CDCA7: variants seen among roughly 807,000 people sequenced by gnomAD.
CDCA7 encodes the protein cell division cycle associated 7.
A neutral mutation model predicts 54.0 loss-of-function variants in CDCA7; 28 were observed. That is an observed-to-expected ratio of 0.52 (90% CI 0.38 to 0.71). The LOEUF (loss-of-function observed/expected upper bound fraction) is 0.71, where lower values mean the gene tolerates loss of function less well. Ranked by LOEUF, CDCA7 falls within the 30% of genes least tolerant of loss-of-function variation. CDCA7 has a pLI of 0.00. For synonymous variants in CDCA7, 180 were observed against 208.2 expected, an observed-to-expected ratio of 0.86 and a Z score of 1.16; for missense variants, 484 against 586.0, an observed-to-expected ratio of 0.83 and a Z score of 1.80.
Position 173,366,246 on chromosome 2 carries a change from G to GTT in CDCA7, c.1036-30_1036-29dup. Reference sequence around the variant, plus strand: ...CCATTTCCTCTGTTGAAAAACAGTGGTTTTTTTTGTTTTTTTTCTTAATGG... The same window carrying GTT: ...CCATTTCCTCTGTTGAAAAACAGTGGTTTTTTTTTTGTTTTTTTTCTTAATGG... On this transcript the variant is annotated intron_variant, in intron 7 of 9. Coordinates refer to ENST00000306721, the MANE Select transcript of CDCA7 (RefSeq NM_031942.5). The surrounding 1 kb of genome is among the most constrained non-coding windows in gnomAD (Gnocchi z 4.5). 6.8e-7 allele frequency: 1 copy of GTT among 1,471,800 alleles called. No homozygotes were observed. The allele number at this position is 1,471,800 out of a possible 1,614,324, so 91.2% of individuals were successfully genotyped here. A position where few individuals can be genotyped will look rare whatever the true frequency, so the allele number is the denominator to read the frequency against.
intron 3 of CDCA7, among the ~76,000 whole-genome samples, chr2:173,360,683 C>G (rs1686603318): frequency 6.6e-6 from 1 of 152,086 alleles, no homozygotes; most frequent in Admixed American, 6.5e-5. Flanking sequence ...CACTTTGTTG[C>G]TCAGGCTGGT....
Position 173,366,178 on chromosome 2 carries a change from A to C in CDCA7, c.1036-105A>C. 7.5e-7 allele frequency: 1 copy of C among 1,335,024 alleles called. No individual in the cohort carries two copies. The highest frequency in any genetic ancestry group is 1.4e-5 in the South Asian group (1 of 69,482). The allele number at this position is 1,335,024 out of a possible 1,614,324, so 82.7% of individuals were successfully genotyped here. ...ATGTGTATGTAGAGATTCATAGACA[A>C]AATGTAAGCCTATACTACGAAGAGG... On this transcript the variant is annotated intron_variant, in intron 7 of 9. Coordinates refer to ENST00000306721, the MANE Select transcript of CDCA7 (RefSeq NM_031942.5). The surrounding 1 kb of genome is among the most constrained non-coding windows in gnomAD (Gnocchi z 4.5).
chr2:173,360,024 G>A (rs1295160336), intron 3 of CDCA7, among the ~76,000 whole-genome samples: 1 of 152,172 alleles, frequency 6.6e-6, no homozygotes, highest in African/African-American at 2.4e-5. Flanking sequence ...AACTGCCGCT[G>A]CCACTGTTGT....
In CDCA7 at chr2:173,363,865, T is replaced by G; in HGVS notation, c.669T>G (p.Arg223=). Residue 223 remains arginine, a synonymous_variant, in exon 5 of 10, where the codon CGT becomes CGG. Transcript: ENST00000306721. ...TAGAAAGCTTCCCTGGCTCGTTCCG[T>G]GGAAGACATCCCCTCCCAGGCTCCG... The part of the protein sequence containing the change: ...SELESFPGSF[R]GRHPLPGSDS... 2 of 1,614,254 alleles carry G rather than the reference T, an allele frequency of 1.2e-6. No individual in the cohort carries two copies. The highest frequency in any genetic ancestry group is 1.7e-6 in the Non-Finnish European group (2 of 1,180,038).
Position 173,363,212 on chromosome 2 carries a change from ATTG to A in CDCA7, c.385-9_385-7del, listed in dbSNP as rs1182114217. 14 of 1,613,222 alleles carry A rather than the reference ATTG, an allele frequency of 8.7e-6. No individual in the cohort carries two copies. Among genetic ancestry groups the A allele is most frequent in the South Asian group, 3.3e-5 (3 of 91,070 alleles). On this transcript the variant is annotated splice_polypyrimidine_tract_variant and intron_variant, in intron 3 of 9. Transcript: ENST00000306721. ...CTGCTGATCAAGTCCTAATGACTCA[ATTG>A]TTGTGATTAGAGGCTGCAGTCAGTT...
intron 1 of CDCA7, among the ~76,000 whole-genome samples, chr2:173,357,014 G>A (rs1169324475): frequency 6.6e-6 from 1 of 152,116 alleles, no homozygotes; most frequent in Non-Finnish European, 1.5e-5. Context: ...AGAATGTTCT[G>A]GTCACCTGAC....
chr2:173,362,540 C>G (rs575704330), intron 3 of CDCA7, among the ~76,000 whole-genome samples: 1 of 149,924 alleles, frequency 6.7e-6, no homozygotes, highest in Non-Finnish European at 1.5e-5. Flanking sequence ...TTGCCATAAA[C>G]ATTGAAGCCA....
chr2:173,368,237 AGTT>A lies in CDCA7; in HGVS notation c.*579_*581del, dbSNP rs1204489733. On this transcript the variant is annotated 3_prime_UTR_variant, in exon 10 of 10. Transcript: ENST00000306721. Reference sequence around the variant, plus strand: ...TCCCATGTATTGCGCTTATGTTACAAGTTGTTGTCACAGTTGAGACTTAATTTC... The same window carrying A: ...TCCCATGTATTGCGCTTATGTTACAAGTTGTCACAGTTGAGACTTAATTTC... 2.0e-5 allele frequency: 3 copies of A among 152,956 alleles called. No homozygotes were observed. The highest frequency in any genetic ancestry group is 2.9e-5 in the Non-Finnish European group (2 of 68,522). The allele number at this position is 152,956 out of a possible 1,614,324, so 9.5% of individuals were successfully genotyped here. A position where few individuals can be genotyped will look rare whatever the true frequency, so the allele number is the denominator to read the frequency against.
intron 5 of CDCA7, 58 bp from the exon 6 acceptor site, chr2:173,364,737 A>G (rs1686686193): frequency 2.0e-6 from 3 of 1,534,566 alleles, no homozygotes; most frequent in East Asian, 4.9e-5. Flanking sequence ...GAATTCCCCA[A>G]AGTACTACTT....
In CDCA7 at chr2:173,363,261, C is replaced by T; in HGVS notation, c.420C>T (p.Arg140=). ...CAGTTCGGGAAGGCTGTAGGACCCG[C>T]AGCCAGTGCAGGCACTCTGGACCTC... ...LQSVREGCRT[R]SQCRHSGPLR... The change falls in exon 4 of 10, where the codon CGC becomes CGT. Residue 140 remains arginine, a synonymous_variant. Transcript: ENST00000306721. The T allele has an allele frequency of 6.2e-7, 1 of 1,614,162 alleles. No individual in the cohort carries two copies. Among genetic ancestry groups the T allele is most frequent in the Non-Finnish European group, 8.5e-7 (1 of 1,180,042 alleles).
At chr2:173,363,747 C>T in intron 4 of CDCA7, 71 bp from the exon 5 acceptor site, 3 of 1,440,246 alleles carry the variant, frequency 2.1e-6, no homozygotes, top group African/African-American at 1.4e-5. Flanking sequence ...GAGTATTTTC[C>T]AGAAGTTAGT....
At position 173,354,928 on chromosome 2, in the gene CDCA7, C is replaced by T; in HGVS notation, c.-36C>T. 1 of 1,479,382 alleles carries T rather than the reference C, an allele frequency of 6.8e-7. No individual in the cohort carries two copies. Among genetic ancestry groups the T allele is most frequent in the Non-Finnish European group, 8.9e-7 (1 of 1,122,844 alleles). The allele number at this position is 1,479,382 out of a possible 1,614,324, so 91.6% of individuals were successfully genotyped here. ...TGACCGCGCGGCTGCTCCGCTCTCC[C>T]CGCTCCAAGCGCCGATCTGGGCACC... is the stretch of plus-strand genomic sequence containing the variant. On this transcript the variant is annotated 5_prime_UTR_variant, in exon 1 of 10. Coordinates refer to ENST00000306721, the MANE Select transcript of CDCA7 (RefSeq NM_031942.5).
intron 1 of CDCA7, among the ~76,000 whole-genome samples, chr2:173,358,085 A>G (rs893765281): frequency 2.0e-5 from 3 of 152,020 alleles, no homozygotes; most frequent in African/African-American, 7.2e-5. Flanking sequence ...CTGTAATCCC[A>G]GCTACTCTGG....
intron 2 of CDCA7, 53 bp downstream of exon 2, chr2:173,358,890 C>G (rs941454031): frequency 1.3e-6 from 2 of 1,574,892 alleles, no homozygotes; most frequent in South Asian, 1.2e-5. Flanking sequence ...TCAAAATGCC[C>G]CAGATGCTTT....
At chr2:173,356,705 A>G (rs953205206) in intron 1 of CDCA7, among the ~76,000 whole-genome samples, 5 of 152,174 alleles carry the variant, frequency 3.3e-5, no homozygotes, top group African/African-American at 7.2e-5. Flanking sequence ...GGGTTTCACC[A>G]TATTCCCCAC....
At chr2:173,356,255 ACT>A (rs1194407790) in intron 1 of CDCA7, 1 of 152,062 alleles carries the variant, frequency 6.6e-6, no homozygotes, top group Non-Finnish European at 1.5e-5. Flanking sequence ...CTGGTAAATA[ACT>A]CTTGGCTTGT....
In CDCA7 at chr2:173,366,377, G is replaced by T; in HGVS notation, c.1130G>T (p.Gly377Val). 1 of 1,614,140 alleles carries T rather than the reference G, an allele frequency of 6.2e-7. No homozygotes were observed. The highest frequency in any genetic ancestry group is 8.5e-7 in the Non-Finnish European group (1 of 1,180,026). ...TGGGGCGTTCGAGGCCAGTTCTGTG[G>T]CCCCTGCCTTCGAAACCGTTATGGT... ...DCWGVRGQFC[G>V]PCLRNRYGEE... The change falls in exon 8 of 10, where the codon GGC becomes GTC. Residue 377 changes from glycine (G) to valine (V), a missense_variant. Coordinates refer to ENST00000306721, the MANE Select transcript of CDCA7 (RefSeq NM_031942.5). The surrounding 1 kb of genome is among the most constrained non-coding windows in gnomAD (Gnocchi z 4.5).
intron 1 of CDCA7, 159 bp from the exon 2 acceptor site, chr2:173,358,553 T>G: frequency 1.4e-6 from 1 of 720,280 alleles, no homozygotes; most frequent in Non-Finnish European, 2.1e-6. Flanking sequence ...AAAGAAAAAA[T>G]TTTTTGTAGC....
At chr2:173,362,864 C>T (rs992683206) in intron 3 of CDCA7, among the ~76,000 whole-genome samples, 4 of 152,156 alleles carry the variant, frequency 2.6e-5, no homozygotes, top group Admixed American at 6.6e-5. Flanking sequence ...AGATGTGAGC[C>T]ACTGCACCCA....
Sources: allele counts gnomAD v4.1 joint callset (sites outside exome capture counted in the v4.1 genomes callset), GRCh38; gene constraint gnomAD v4.1.1; non-coding constraint Gnocchi (gnomAD v3.1); transcripts MANE v1.5; gene names NCBI Gene and HGNC (gene_info 2026-07-23, HGNC 2026-07-21).